The following HTR1F variants were observed in gnomAD, a reference collection of about 807,000 sequenced individuals.
HTR1F encodes 5-hydroxytryptamine receptor 1F.
HTR1F carries 17 observed loss-of-function variants against 24.0 expected under a neutral mutation model. The ratio of observed to expected loss-of-function variants is 0.71; its 90% CI spans 0.48 to 1.06. The LOEUF is 1.06. Among genes scored for constraint, HTR1F ranks in the 50% least tolerant of loss-of-function variants. The pLI is 0.00. For missense variants in HTR1F, 391 were observed against 427.8 expected (o/e 0.91, Z 0.76); for synonymous variants, 186 against 156.8 (o/e 1.19, Z -1.39).
chr3:87,815,430 A>G (rs932697907), intron 1 of HTR1F, among the ~76,000 whole-genome samples: 18 of 152,094 alleles, frequency 1.2e-4, no homozygotes, highest in Non-Finnish European at 1.9e-4. Flanking sequence ...AGGTTAGCAA[A>G]TGAGCCTATG....
chr3:87,805,440 G>T (rs546568230), intron 1 of HTR1F, among the ~76,000 whole-genome samples: 166 of 152,034 alleles, frequency 1.1e-3, no homozygotes, highest in African/African-American at 3.8e-3. Context: ...GACTTCCTAT[G>T]AGTTCCACGC....
At chr3:87,827,719 G>C (rs57628449) in intron 2 of HTR1F, among the ~76,000 whole-genome samples, 1 of 152,216 alleles carries the variant, frequency 6.6e-6, no homozygotes, top group South Asian at 2.1e-4. Context: ...CATTCTATTC[G>C]TAAGTTCTTT....
In HTR1F at chr3:87,964,424, GCTC is replaced by G. The variant is rs77494849; in HGVS notation, c.-42-26281_-42-26279del. Among the ~76,000 whole-genome samples, 1,331 of 152,104 alleles carry G rather than the reference GCTC, an allele frequency of 8.8e-3. 8 individuals carry two copies. Among genetic ancestry groups the G allele is most frequent in the Non-Finnish European group, 0.012 (832 of 67,994 alleles). ...TTAATCAACGTAGTTTGGAGTAATC[GCTC>G]CTTTTTTGAAATTCCTTTTGCTGCC... On this transcript the variant is annotated intron_variant, in intron 2 of 2. Coordinates refer to ENST00000319595, the MANE Select transcript of HTR1F (RefSeq NM_001322209.2).
chr3:87,869,390 CAGATAGATAGATAGATAGAT>C (rs4038035), intron 2 of HTR1F, among the ~76,000 whole-genome samples: 2 of 124,460 alleles, frequency 1.6e-5, no homozygotes, highest in Non-Finnish European at 1.6e-5. Context: ...GATAGACAAA[CAGATAGATAGATAGATAGAT>C]AGATAGATAG....
At chr3:87,890,075 G>A (rs1226966014) in intron 2 of HTR1F, among the ~76,000 whole-genome samples, 1 of 152,178 alleles carries the variant, frequency 6.6e-6, no homozygotes, top group Admixed American at 6.6e-5. Flanking sequence ...TACCTTGTAT[G>A]TACCCAGGTA....
chr3:87,905,696 G>C (rs1468666339), intron 2 of HTR1F, among the ~76,000 whole-genome samples: 2 of 150,830 alleles, frequency 1.3e-5, no homozygotes, highest in Non-Finnish European at 2.9e-5. Context: ...CATTCAAGGA[G>C]GACTCAAAGG....
At chr3:87,898,075 G>A (rs1706241567) in intron 2 of HTR1F, among the ~76,000 whole-genome samples, 2 of 152,168 alleles carry the variant, frequency 1.3e-5, no homozygotes, top group South Asian at 2.1e-4. Context: ...ATGAAAAATA[G>A]ATGCATGTAC....
intron 2 of HTR1F, among the ~76,000 whole-genome samples, chr3:87,894,542 G>A (rs1318227814): frequency 7.0e-6 from 1 of 142,966 alleles, no homozygotes; most frequent in Admixed American, 7.0e-5. Context: ...ACAGATGTGA[G>A]CCATGTTGCC....
intron 1 of HTR1F, among the ~76,000 whole-genome samples, chr3:87,805,678 A>G (rs1704062115): frequency 6.6e-6 from 1 of 152,070 alleles, no homozygotes; most frequent in Non-Finnish European, 1.5e-5. Context: ...TGCATTAGGG[A>G]AAAGAGCTAA....
chr3:87,905,580 A>G (rs1271270506), intron 2 of HTR1F, among the ~76,000 whole-genome samples: 1 of 152,130 alleles, frequency 6.6e-6, no homozygotes, highest in African/African-American at 2.4e-5. Flanking sequence ...GCTCCCTTTG[A>G]CAATACTGAC....
At chr3:87,841,217 T>G (rs995102076) in intron 2 of HTR1F, among the ~76,000 whole-genome samples, 8 of 151,858 alleles carry the variant, frequency 5.3e-5, no homozygotes, top group African/African-American at 1.9e-4. Context: ...AATTGTTATT[T>G]GTCAAGTATT....
chr3:87,898,691 AT>A (rs35976075), intron 2 of HTR1F, among the ~76,000 whole-genome samples: 4 of 151,614 alleles, frequency 2.6e-5, no homozygotes, highest in African/African-American at 7.3e-5. Context: ...GCTGACCAAT[AT>A]TTTTTTTCTT....
chr3:87,969,975 GCTGCCATGCAGACATGGCTTTTGCCTT>G (rs1490125382), intron 2 of HTR1F, among the ~76,000 whole-genome samples: 11 of 152,150 alleles, frequency 7.2e-5, no homozygotes, highest in East Asian at 3.9e-4. Context: ...TCTCTTGCCT[GCTGCCATGCAGACATGGCTTTTGCCTT>G]CTGCCATGAT....
chr3:87,894,333 T>C (rs1246298057), intron 2 of HTR1F, among the ~76,000 whole-genome samples: 2 of 151,274 alleles, frequency 1.3e-5, no homozygotes, highest in African/African-American at 2.4e-5. Flanking sequence ...CACTGCTCAC[T>C]GCAACCTCTG....
intron 2 of HTR1F, 88 bp from the exon 3 acceptor site, chr3:87,990,620 A>G (rs986591495): frequency 9.1e-6 from 6 of 656,060 alleles, no homozygotes; most frequent in Non-Finnish European, 1.6e-5. Context: ...GGGTAAACAT[A>G]ACATACACTT....
chr3:87,873,966 G>A (rs1705614758), intron 2 of HTR1F, among the ~76,000 whole-genome samples: 3 of 151,984 alleles, frequency 2.0e-5, no homozygotes, highest in Non-Finnish European at 1.5e-5. Context: ...AGGAGTAGAA[G>A]AAATTACCTC....
intron 1 of HTR1F, among the ~76,000 whole-genome samples, chr3:87,797,000 T>C (rs895377165): frequency 2.0e-5 from 3 of 152,214 alleles, no homozygotes; most frequent in Admixed American, 1.3e-4. Flanking sequence ...TCCCTCCTTA[T>C]TCAGTTTCAC....
chr3:87,848,109 G>C (rs2107196289), intron 2 of HTR1F, among the ~76,000 whole-genome samples: 1 of 151,926 alleles, frequency 6.6e-6, no homozygotes, highest in African/African-American at 2.4e-5. Flanking sequence ...TTCCACAGTG[G>C]CTGTACTAGT....
intron 2 of HTR1F, among the ~76,000 whole-genome samples, chr3:87,902,435 C>G (rs775132339): frequency 1.3e-5 from 2 of 151,880 alleles, no homozygotes; most frequent in Non-Finnish European, 2.9e-5. Flanking sequence ...GATCGTAATC[C>G]TAAATGTGAG....
Sources: gnomAD v4.1 joint callset for allele counts (sites outside exome capture counted in the v4.1 genomes callset) on GRCh38, gnomAD v4.1.1 for gene constraint, MANE v1.5 for transcripts, NCBI Gene and HGNC (gene_info 2026-07-23, HGNC 2026-07-21) for gene names.